The following PTPN4 variants were observed in gnomAD, a reference collection of about 807,000 sequenced individuals.
PTPN4 encodes tyrosine-protein phosphatase non-receptor type 4.
PTPN4 carries 49 observed loss-of-function variants against 135.5 expected under a neutral mutation model. That is an observed-to-expected ratio of 0.36 (90% CI 0.29 to 0.46). PTPN4 has a LOEUF of 0.46. PTPN4 is among the 20% of genes least tolerant of loss of function. The probability of loss-of-function intolerance (pLI) is 1.00; values close to 1 mark genes in which losing one functional copy is unlikely to be tolerated. For synonymous variants in PTPN4, 333 were observed against 369.9 expected (o/e 0.90, Z 1.14); for missense variants, 860 against 1,101.0 (o/e 0.78, Z 3.10).
chr2:119,945,579 C>T (rs1175571336), intron 16 of PTPN4, among the ~76,000 whole-genome samples: 1 of 146,258 alleles, frequency 6.8e-6, no homozygotes, highest in Admixed American at 7.2e-5. Context: ...GCACATGTAC[C>T]CTAAAACTTA....
At chr2:119,838,435 G>T (rs1677328554) in intron 2 of PTPN4, among the ~76,000 whole-genome samples, 1 of 152,160 alleles carries the variant, frequency 6.6e-6, no homozygotes, top group Non-Finnish European at 1.5e-5. Context: ...TTTTGGCTTG[G>T]AAACATACTA....
chr2:119,892,693 G>T (rs947183048), intron 9 of PTPN4, among the ~76,000 whole-genome samples: 1 of 151,822 alleles, frequency 6.6e-6, no homozygotes, highest in Non-Finnish European at 1.5e-5. Context: ...AAGCAGACAA[G>T]AACTTTTAAG....
chr2:119,766,462 G>GCC (rs1690628634), intron 1 of PTPN4, among the ~76,000 whole-genome samples: 1 of 138,762 alleles, frequency 7.2e-6, no homozygotes, highest in Non-Finnish European at 1.5e-5. Context: ...GTGTGTGTGT[G>GCC]TGTGTGTGTG....
At chr2:119,930,539 A>C (rs932011106) in intron 13 of PTPN4, among the ~76,000 whole-genome samples, 4 of 152,172 alleles carry the variant, frequency 2.6e-5, no homozygotes, top group Non-Finnish European at 5.9e-5. Flanking sequence ...GAAACATAAG[A>C]GGTCTGTCTA....
At chr2:119,810,030 A>G (rs768197738) in intron 2 of PTPN4, 39 bp downstream of exon 2, 6 of 1,564,602 alleles carry the variant, frequency 3.8e-6, no homozygotes, top group Middle Eastern at 1.7e-4. Context: ...ATCTCTGGCT[A>G]TAAGTCTGAA....
intron 22 of PTPN4, 76 bp from the exon 23 acceptor site, chr2:119,960,731 G>A: frequency 2.1e-6 from 3 of 1,447,566 alleles, no homozygotes; most frequent in Non-Finnish European, 2.8e-6. Context: ...ATAACAGTTA[G>A]TGGATGATTT....
intron 1 of PTPN4, among the ~76,000 whole-genome samples, chr2:119,779,352 T>A (rs1467634495): frequency 6.6e-6 from 1 of 152,208 alleles, no homozygotes; most frequent in Non-Finnish European, 1.5e-5. Flanking sequence ...GCGCGGTGGC[T>A]CACGCCTGTA....
chr2:119,807,926 C>G (rs1262735773), intron 1 of PTPN4, among the ~76,000 whole-genome samples: 1 of 152,156 alleles, frequency 6.6e-6, no homozygotes, highest in East Asian at 1.9e-4. Flanking sequence ...TCAGCATACA[C>G]AAATCAATAA....
Position 119,782,874 on chromosome 2 carries a change from TA to T in PTPN4, c.-18+22501del, listed in dbSNP as rs113844450. On this transcript the variant is annotated intron_variant, in intron 1 of 26. Coordinates refer to ENST00000263708, the MANE Select transcript of PTPN4 (RefSeq NM_002830.4). ...GCATGTACCACTACTCCCGGCTAAT[TA>T]AAAAAAAAAATGTGTAGAGACAGGA... 7.8e-3 allele frequency among the ~76,000 whole-genome samples: 1,136 copies of T among 146,056 alleles called. 12 individuals are homozygous for T. The highest frequency in any genetic ancestry group is 0.026 in the African/African-American group (1,040 of 39,860).
At chr2:119,871,503 A>T (rs535446703) in intron 3 of PTPN4, among the ~76,000 whole-genome samples, 1 of 152,102 alleles carries the variant, frequency 6.6e-6, no homozygotes, top group South Asian at 2.1e-4. Context: ...GGAGTTCTGG[A>T]CTATAGTGCA....
chr2:119,878,943 A>T (rs1003186801), intron 5 of PTPN4, among the ~76,000 whole-genome samples: 1 of 151,864 alleles, frequency 6.6e-6, no homozygotes, highest in African/African-American at 2.4e-5. Context: ...AATACAAAAA[A>T]TTAGCCGGGT....
At chr2:119,822,547 C>T (rs527585557) in intron 2 of PTPN4, among the ~76,000 whole-genome samples, 3 of 152,104 alleles carry the variant, frequency 2.0e-5, no homozygotes, top group East Asian at 1.9e-4. Flanking sequence ...TTAGTAGAGA[C>T]GGGGTTTCAC....
chr2:119,953,174 ATTC>A (rs1481606961), intron 19 of PTPN4, among the ~76,000 whole-genome samples: 1 of 152,172 alleles, frequency 6.6e-6, no homozygotes, highest in Non-Finnish European at 1.5e-5. Context: ...GATTAGACAT[ATTC>A]TTCTGGTTTT....
At chr2:119,915,772 TAAATC>T (rs1375242643) in intron 11 of PTPN4, 1 of 152,336 alleles carries the variant, frequency 6.6e-6, no homozygotes, top group African/African-American at 2.4e-5. Context: ...TCTGTTTCAT[TAAATC>T]AAACTAACCT....
chr2:119,890,761 A>G (rs939895818), intron 9 of PTPN4, among the ~76,000 whole-genome samples: 2 of 152,248 alleles, frequency 1.3e-5, no homozygotes, highest in African/African-American at 4.8e-5. Context: ...TCTTGAGCAT[A>G]TCTTACAGAA....
At chr2:119,841,779 G>A (rs1258926070) in intron 2 of PTPN4, among the ~76,000 whole-genome samples, 1 of 152,112 alleles carries the variant, frequency 6.6e-6, no homozygotes, top group African/African-American at 2.4e-5. Context: ...CTTTTACTGC[G>A]TAATCAGATT....
intron 9 of PTPN4, among the ~76,000 whole-genome samples, chr2:119,897,912 T>C (rs944560456): frequency 4.6e-5 from 7 of 152,214 alleles, no homozygotes; most frequent in African/African-American, 1.4e-4. Flanking sequence ...ATGTAATTGT[T>C]TGTTGATGTT....
intron 9 of PTPN4, among the ~76,000 whole-genome samples, chr2:119,899,620 T>C (rs1430548289): frequency 6.6e-6 from 1 of 152,184 alleles, no homozygotes; most frequent in African/African-American, 2.4e-5. Flanking sequence ...TTTTATGAGG[T>C]TGGGAGCAGA....
chr2:119,963,156 TAGAGG>T (rs1162189407), intron 24 of PTPN4, among the ~76,000 whole-genome samples: 2 of 151,994 alleles, frequency 1.3e-5, no homozygotes, highest in Admixed American at 1.3e-4. Context: ...TTTAAAAGAG[TAGAGG>T]AGAGCAACTT....
Sources: gnomAD v4.1 joint callset for allele counts (sites outside exome capture counted in the v4.1 genomes callset) on GRCh38, gnomAD v4.1.1 for gene constraint, MANE v1.5 for transcripts, NCBI Gene and HGNC (gene_info 2026-07-23, HGNC 2026-07-21) for gene names.